The following NSUN3 variants were observed in gnomAD, a reference collection of about 807,000 sequenced individuals.
The protein encoded by NSUN3 is tRNA (cytosine(34)-C(5))-methyltransferase, mitochondrial.
NSUN3 carries 24 observed loss-of-function variants against 36.8 expected under a neutral mutation model. The ratio of observed to expected loss-of-function variants is 0.65; its 90% CI spans 0.47 to 0.92. The LOEUF (loss-of-function observed/expected upper bound fraction) is 0.92, where lower values mean the gene tolerates loss of function less well. Ranked by LOEUF, NSUN3 falls within the 40% of genes least tolerant of loss-of-function variation. The pLI is 0.00. For synonymous variants in NSUN3, 146 were observed against 145.2 expected (o/e 1.01, Z -0.04); for missense variants, 381 against 392.8 (o/e 0.97, Z 0.25).
At position 94,130,251 on chromosome 3, in the gene NSUN3, G is replaced by C. The variant is rs747346030; in HGVS notation, c.*3761G>C. 6.6e-6 allele frequency among the ~76,000 whole-genome samples: 1 copy of C among 152,130 alleles called. No individual in the cohort carries two copies. The highest frequency in any genetic ancestry group is 1.5e-5 in the Non-Finnish European group (1 of 68,018). On this transcript the variant is annotated 3_prime_UTR_variant, in exon 6 of 6. Coordinates refer to ENST00000314622, the MANE Select transcript of NSUN3 (RefSeq NM_022072.5). ...TGGGGGCCAAGGAGCTATTACTGCT[G>C]TTTGGAAATACTTGCCTCTTGTAGA...
chr3:94,117,365 A>T (rs963710459), intron 5 of NSUN3, among the ~76,000 whole-genome samples: 1 of 152,148 alleles, frequency 6.6e-6, no homozygotes, highest in East Asian at 1.9e-4. Flanking sequence ...AGAGTATGAG[A>T]TAGACCTGAA....
chr3:94,094,321 G>A (rs2107255253), intron 4 of NSUN3, 27 bp downstream of exon 4: 2 of 1,598,342 alleles, frequency 1.3e-6, no homozygotes, highest in East Asian at 4.5e-5. Context: ...GTGACAAACT[G>A]ATGGACGCCC....
chr3:94,096,904 A>G (rs1291504067), intron 5 of NSUN3, among the ~76,000 whole-genome samples: 3 of 152,168 alleles, frequency 2.0e-5, no homozygotes, highest in Non-Finnish European at 4.4e-5. Context: ...TGTAATCTAC[A>G]TTTTTTAAAA....
chr3:94,107,223 G>C (rs1275053201), intron 5 of NSUN3, among the ~76,000 whole-genome samples: 1 of 152,140 alleles, frequency 6.6e-6, no homozygotes, highest in Non-Finnish European at 1.5e-5. Flanking sequence ...GAATCACTGT[G>C]CCTGGCCTAA....
At position 94,063,279 on chromosome 3, in the gene NSUN3, C is replaced by T. The variant is rs1006886237; in HGVS notation, c.12+141C>T. The T allele has an allele frequency of 2.1e-5, 18 of 856,772 alleles. No homozygotes were observed. The Admixed American group carries it at 2.2e-4, about 10-fold the overall frequency. 53.1% of individuals were successfully genotyped at this position (856,772 alleles called of 1,614,324 possible). A position where few individuals can be genotyped will look rare whatever the true frequency, so the allele number is the denominator to read the frequency against. On this transcript the variant is annotated intron_variant, in intron 1 of 5. Transcript: ENST00000314622. The stretch of plus-strand genomic sequence containing the variant: ...CGAGATCAGCGTTTCTTTGGCTTTA[C>T]TGTCAAGCCCTGAAATAATGCTGAG...
intron 3 of NSUN3, chr3:94,085,430 T>TA (rs1248654634): frequency 6.6e-6 from 1 of 152,308 alleles, no homozygotes; most frequent in East Asian, 1.9e-4. Flanking sequence ...GTTCTGTTTT[T>TA]ATAGATGCCA....
chr3:94,105,736 AACACACACACAT>A (rs1005768385), intron 5 of NSUN3, among the ~76,000 whole-genome samples: 1 of 151,856 alleles, frequency 6.6e-6, no homozygotes, highest in African/African-American at 2.4e-5. Flanking sequence ...GTTTCTTCTT[AACACACACACAT>A]ACACACACAC....
chr3:94,074,356 T>G lies in NSUN3; in HGVS notation c.123-9751T>G, dbSNP rs186670748. Among the ~76,000 whole-genome samples the G allele has an allele frequency of 5.4e-3, 818 of 152,350 alleles. 2 individuals carry two copies. The highest frequency in any genetic ancestry group is 6.8e-3 in the Middle Eastern group (2 of 294). ...TTCTGTGAAGAAAGTCAATGGTAGC[T>G]GGATGGGGATAGCATTGAATCTATA... is the stretch of plus-strand genomic sequence containing the variant. On this transcript the variant is annotated intron_variant, in intron 2 of 5. Coordinates refer to ENST00000314622, the MANE Select transcript of NSUN3 (RefSeq NM_022072.5).
At chr3:94,095,177 T>G (rs1307189783) in intron 5 of NSUN3, 23 bp downstream of exon 5, 1 of 1,607,164 alleles carries the variant, frequency 6.2e-7, no homozygotes, top group Non-Finnish European at 8.5e-7. Context: ...AATACAAAAG[T>G]GTATTTTGGT....
intron 2 of NSUN3, among the ~76,000 whole-genome samples, chr3:94,083,612 C>G (rs968947807): frequency 1.3e-5 from 2 of 152,176 alleles, no homozygotes; most frequent in Non-Finnish European, 2.9e-5. Flanking sequence ...CACTTCTATG[C>G]AAGCGTGTGA....
intron 2 of NSUN3, 52 bp from the exon 3 acceptor site, chr3:94,084,055 A>G: frequency 1.6e-6 from 2 of 1,272,532 alleles, no homozygotes; most frequent in Non-Finnish European, 2.2e-6. Context: ...ATAAAATTGT[A>G]TTGGTATGTA....
At chr3:94,088,186 T>C (rs2077300307) in intron 3 of NSUN3, among the ~76,000 whole-genome samples, 1 of 152,216 alleles carries the variant, frequency 6.6e-6, no homozygotes. Context: ...CTCCCTGCAT[T>C]AGGTTCATCT....
intron 2 of NSUN3, among the ~76,000 whole-genome samples, chr3:94,077,622 T>G (rs1375828657): frequency 6.6e-6 from 1 of 152,218 alleles, no homozygotes; most frequent in Non-Finnish European, 1.5e-5. Flanking sequence ...CAGAACTTGT[T>G]ATTGGTCTAT....
At chr3:94,077,696 T>G (rs2077252222) in intron 2 of NSUN3, among the ~76,000 whole-genome samples, 1 of 152,258 alleles carries the variant, frequency 6.6e-6, no homozygotes, top group Non-Finnish European at 1.5e-5. Context: ...AATTTATTCA[T>G]TTCTTCTAGA....
chr3:94,079,331 C>A (rs912721217), intron 2 of NSUN3, among the ~76,000 whole-genome samples: 12 of 152,150 alleles, frequency 7.9e-5, no homozygotes, highest in African/African-American at 2.9e-4. Context: ...TTGTGGGTGA[C>A]CCAACCTTTC....
At chr3:94,064,275 G>T in intron 1 of NSUN3, 162 bp from the exon 2 acceptor site, 1 of 568,612 alleles carries the variant, frequency 1.8e-6, no homozygotes, top group Admixed American at 3.2e-5. Flanking sequence ...TTCATAATTA[G>T]ATAATGTACA....
intron 5 of NSUN3, among the ~76,000 whole-genome samples, chr3:94,108,202 CT>C (rs1217670564): frequency 2.0e-5 from 3 of 151,730 alleles, no homozygotes; most frequent in Non-Finnish European, 2.9e-5. Flanking sequence ...ACCACGTTTA[CT>C]TTTTTTTATT....
At chr3:94,081,945 T>C (rs1481069883) in intron 2 of NSUN3, 1 of 152,176 alleles carries the variant, frequency 6.6e-6, no homozygotes, top group Non-Finnish European at 1.5e-5. Context: ...TCTGAAAGAA[T>C]AAACATTCAA....
intron 3 of NSUN3, among the ~76,000 whole-genome samples, chr3:94,093,870 C>T (rs1489187074): frequency 6.6e-6 from 1 of 152,126 alleles, no homozygotes; most frequent in African/African-American, 2.4e-5. Context: ...TAAAATTAAA[C>T]TTGGTGGAGC....
Sources: gnomAD v4.1 joint callset for allele counts (sites outside exome capture counted in the v4.1 genomes callset) on GRCh38, gnomAD v4.1.1 for gene constraint, MANE v1.5 for transcripts, NCBI Gene and HGNC (gene_info 2026-07-23, HGNC 2026-07-21) for gene names.